The following CELF2 variants were observed in gnomAD, a reference collection of about 807,000 sequenced individuals.
The protein encoded by CELF2 is CUGBP Elav-like family member 2.
CELF2 carries 8 observed loss-of-function variants against 62.6 expected under a neutral mutation model. The observed-to-expected ratio is 0.13, with a 90% CI of 0.07 to 0.23. CELF2 has a LOEUF of 0.23. CELF2 is among the 10% of genes least tolerant of loss of function. The pLI, the probability that CELF2 is intolerant of heterozygous loss-of-function variation, is 1.00. For synonymous variants in CELF2, 258 were observed against 250.0 expected (o/e 1.03, Z -0.30); for missense variants, 333 against 671.0 (o/e 0.50, Z 5.56).
At chr10:10,770,395 G>C in the CELF2 span, among the ~76,000 whole-genome samples, 4 of 151,992 alleles carry the variant, frequency 2.6e-5, no homozygotes, top group Non-Finnish European at 5.9e-5. Flanking sequence ...CTGCAGGACT[G>C]ACCTAGGCTG....
At chr10:11,062,516 G>A (rs1465122355) in intron 1 of CELF2, among the ~76,000 whole-genome samples, 6 of 152,186 alleles carry the variant, frequency 3.9e-5, no homozygotes, top group Non-Finnish European at 8.8e-5. Flanking sequence ...AGTCCTCATG[G>A]ATAACTGAGG....
chr10:10,682,558 A>G, the CELF2 span, among the ~76,000 whole-genome samples: 1 of 152,146 alleles, frequency 6.6e-6, no homozygotes, highest in Non-Finnish European at 1.5e-5. Context: ...CTAGACAAGT[A>G]GTGAGGGTGG....
At chr10:10,941,316 C>T (rs1401475551) in intron 2 of CELF2, among the ~76,000 whole-genome samples, 1 of 152,140 alleles carries the variant, frequency 6.6e-6, no homozygotes, top group Non-Finnish European at 1.5e-5. Context: ...CTCTCTAGGC[C>T]TCCCTTGACC....
At chr10:11,170,613 T>C (rs1410755544) in intron 2 of CELF2, among the ~76,000 whole-genome samples, 1 of 151,692 alleles carries the variant, frequency 6.6e-6, no homozygotes, top group Non-Finnish European at 1.5e-5. Flanking sequence ...GCTAGGAAGT[T>C]CTCTCGGAGG....
At chr10:11,160,931 A>G (rs12242040) in intron 1 of CELF2, among the ~76,000 whole-genome samples, 22,111 of 152,234 alleles carry the variant, frequency 0.15, 1,740 homozygotes, top group Middle Eastern at 0.23. Context: ...AAAGAATAGA[A>G]ATTTCCATTC....
chr10:11,060,602 A>G (rs916727609), intron 1 of CELF2, among the ~76,000 whole-genome samples: 1 of 152,184 alleles, frequency 6.6e-6, no homozygotes, highest in African/African-American at 2.4e-5. Context: ...GTTTAATTGC[A>G]CTTCACTGGA....
chr10:10,754,024 A>C, the CELF2 span, among the ~76,000 whole-genome samples: 1 of 149,398 alleles, frequency 6.7e-6, no homozygotes, highest in South Asian at 2.1e-4. Context: ...AGTAAACATA[A>C]ATAAAGGTTG....
At chr10:10,897,351 A>G (rs2062630343) in intron 1 of CELF2, among the ~76,000 whole-genome samples, 1 of 152,230 alleles carries the variant, frequency 6.6e-6, no homozygotes, top group South Asian at 2.1e-4. Context: ...GGTGGAAAGT[A>G]GAAATTGTAG....
At chr10:10,757,085 T>G in the CELF2 span, among the ~76,000 whole-genome samples, 1 of 151,892 alleles carries the variant, frequency 6.6e-6, no homozygotes, top group Non-Finnish European at 1.5e-5. Context: ...GAGGTTGCAG[T>G]GAGCCAAGAT....
At chr10:10,535,626 C>T in the CELF2 span, among the ~76,000 whole-genome samples, 3 of 152,044 alleles carry the variant, frequency 2.0e-5, no homozygotes, top group South Asian at 2.1e-4. Context: ...AGGCTGAGGC[C>T]GAGAATCGCT....
intron 2 of CELF2, among the ~76,000 whole-genome samples, chr10:11,166,664 G>A (rs980415116): frequency 1.3e-5 from 2 of 152,154 alleles, no homozygotes; most frequent in African/African-American, 4.8e-5. Flanking sequence ...TGGTGTTTCT[G>A]TCTGGCATGT....
At position 11,265,233 on chromosome 10, in the gene CELF2, T is replaced by A. The variant is rs2279806; in HGVS notation, c.539-1365T>A. On this transcript the variant is annotated intron_variant, in intron 5 of 12. Transcript: ENST00000633077. Reference sequence around the variant, plus strand: ...ATGCAGAATATTCTATTTTGCTTATTGGCCACAGGGGCAACAATCTCACAT... The same window carrying A: ...ATGCAGAATATTCTATTTTGCTTATAGGCCACAGGGGCAACAATCTCACAT... 7.3e-3 allele frequency among the ~76,000 whole-genome samples: 1,112 copies of A among 152,366 alleles called. 20 individuals are homozygous for A. Among genetic ancestry groups the A allele is most frequent in the East Asian group, 0.055 (283 of 5,188 alleles).
In CELF2 at chr10:11,323,424, A is replaced by AATAAT. The variant is rs2095549203; in HGVS notation, c.1294+2039_1294+2040insTAATA. ...AAGCAAATGATGCCAGGCAGAGCAA[A>AATAAT]AATAATAATAATAATAATAATAATA... is the stretch of plus-strand genomic sequence containing the variant. On this transcript the variant is annotated intron_variant, in intron 11 of 12. Coordinates refer to ENST00000633077, the MANE Select transcript of CELF2 (RefSeq NM_001326342.2). 3.5e-5 allele frequency among the ~76,000 whole-genome samples: 5 copies of AATAAT among 141,644 alleles called. No homozygotes were observed. In the East Asian group the frequency reaches 8.2e-4, roughly 23 times the overall value. The allele number at this position is 141,644 out of a possible 152,430, so 92.9% of individuals were successfully genotyped here. A position where few individuals can be genotyped will look rare whatever the true frequency, so the allele number is the denominator to read the frequency against.
rs1350862564 is a variant in CELF2 at position 10,938,719 on chromosome 10, G to A, written c.89+18720G>A. On this transcript the variant is annotated intron_variant, in intron 2 of 13. Transcript: ENST00000636488. This position sits in a 1 kb window ranked among gnomAD's most constrained non-coding sequence, Gnocchi z 4.2. Reference sequence around the variant, plus strand: ...ATTTGAGTCTAAGGACATGAGGGAGGGGGATGTGAGACAGGAATGGGGGAG... The same window carrying A: ...ATTTGAGTCTAAGGACATGAGGGAGAGGGATGTGAGACAGGAATGGGGGAG... Among the ~76,000 whole-genome samples the A allele has an allele frequency of 6.6e-6, 1 of 152,140 alleles. No homozygotes were observed. The highest frequency in any genetic ancestry group is 1.5e-5 in the Non-Finnish European group (1 of 68,016).
At chr10:11,241,077 C>T (rs1411096245) in intron 3 of CELF2, among the ~76,000 whole-genome samples, 1 of 152,156 alleles carries the variant, frequency 6.6e-6, no homozygotes, top group Admixed American at 6.5e-5. Flanking sequence ...GCATAAAGAG[C>T]CTGTAGAGTG....
chr10:10,712,718 C>G, the CELF2 span, among the ~76,000 whole-genome samples: 1 of 152,170 alleles, frequency 6.6e-6, no homozygotes, highest in Admixed American at 6.5e-5. Context: ...TCACTTCTAC[C>G]CATTAGTTCA....
At chr10:10,856,355 A>C (rs1390929265) in intron 1 of CELF2, among the ~76,000 whole-genome samples, 1 of 152,200 alleles carries the variant, frequency 6.6e-6, no homozygotes, top group Non-Finnish European at 1.5e-5. Context: ...ACTCCCATGT[A>C]ATATTTTAAA....
chr10:10,922,746 C>T (rs1237140515), intron 2 of CELF2: 1 of 152,076 alleles, frequency 6.6e-6, no homozygotes, highest in Non-Finnish European at 1.5e-5. Context: ...AACAACATGC[C>T]GACATTCCCA....
At chr10:10,550,039 C>G in the CELF2 span, among the ~76,000 whole-genome samples, 1 of 152,148 alleles carries the variant, frequency 6.6e-6, no homozygotes, top group Middle Eastern at 3.2e-3. Flanking sequence ...ACTCCCTGCA[C>G]AATTGAAAAT....
Sources: allele counts gnomAD v4.1 joint callset (sites outside exome capture counted in the v4.1 genomes callset), GRCh38; gene constraint gnomAD v4.1.1; non-coding constraint Gnocchi (gnomAD v3.1); transcripts MANE v1.5; gene names NCBI Gene and HGNC (gene_info 2026-07-23, HGNC 2026-07-21).